The following DOP1B variants were observed in gnomAD, a reference collection of about 807,000 sequenced individuals.
The protein encoded by DOP1B is protein DOP1B.
DOP1B carries 174 observed loss-of-function variants against 233.5 expected under a neutral mutation model. The observed-to-expected ratio is 0.75, with a 90% CI of 0.66 to 0.85. The LOEUF is 0.85. DOP1B is among the 40% of genes least tolerant of loss of function. DOP1B has a pLI of 0.00. For synonymous variants in DOP1B, 1,190 were observed against 1,185.6 expected (o/e 1.00, Z -0.08); for missense variants, 2,652 against 2,846.6 (o/e 0.93, Z 1.56).
Position 36,227,853 on chromosome 21 carries a change from CA to C in DOP1B, c.1642del (p.Thr548ArgfsTer11). 1 of 1,604,116 alleles carries C rather than the reference CA, an allele frequency of 6.2e-7. No individual in the cohort carries two copies. Among genetic ancestry groups the C allele is most frequent in the Non-Finnish European group, 8.5e-7 (1 of 1,173,096 alleles). On this transcript the variant is annotated frameshift_variant, in exon 13 of 37. Coordinates refer to ENST00000691173, the MANE Select transcript of DOP1B (RefSeq NM_001320714.2). LOFTEE classifies it high-confidence loss of function. ...KVQMPPSYLD[T>X]ESTSGTSSPV... ...TCCAGATGCCTCCTTCCTACCTCGACACGGAGTCCACCAGCGGAACCTCGGT... is the reference window on the plus strand; with the variant it reads ...TCCAGATGCCTCCTTCCTACCTCGACCGGAGTCCACCAGCGGAACCTCGGT...
intron 23 of DOP1B, among the ~76,000 whole-genome samples, chr21:36,255,306 AT>A (rs982078293): frequency 5.1e-4 from 72 of 141,410 alleles, no homozygotes; most frequent in Middle Eastern, 3.7e-3. Context: ...TAATTTTTGT[AT>A]TTTTTTTTTT....
chr21:36,239,279 G>T (rs2835325), intron 17 of DOP1B, among the ~76,000 whole-genome samples: 11,954 of 152,186 alleles, frequency 0.079, 782 homozygotes, highest in African/African-American at 0.19. Context: ...AGCTTTTACG[G>T]CATGCCCCTA....
rs548066537 is a variant in DOP1B, at chr21:36,251,344, A to C, written c.5121+60A>C. 471 of 1,557,282 alleles carry C rather than the reference A, an allele frequency of 3.0e-4. 1 individual carries two copies. In the African/African-American group the frequency reaches 6.1e-3, roughly 20 times the overall value. ...TACTGTGACAAAGAAATACCACAGAATCATGTGGAATCAAAGGTGACATTG... is the reference window on the plus strand; with the variant it reads ...TACTGTGACAAAGAAATACCACAGACTCATGTGGAATCAAAGGTGACATTG... On this transcript the variant is annotated intron_variant, in intron 22 of 36. Transcript: ENST00000691173.
In DOP1B at chr21:36,246,430, G is replaced by A. The variant is rs747222206; in HGVS notation, c.4450G>A (p.Ala1484Thr). ...RALNFQQAIS[A>T]LQYVQPHPLT... The stretch of plus-strand genomic sequence containing the variant: ...CCTGAACTTCCAGCAGGCCATCAGC[G>A]CCCTGCAGTACGTGCAGCCCCACCC... Residue 1484 changes from alanine (A) to threonine (T), a missense_variant, in exon 19 of 37, where the codon GCC (alanine) becomes ACC (threonine). Ala to Thr is a moderately conservative substitution (Grantham distance 58). This residue lies in a region of DOP1B where 2,617 missense variants were observed against 2,794.3 expected (regional missense o/e 0.94). Coordinates refer to ENST00000691173, the MANE Select transcript of DOP1B (RefSeq NM_001320714.2). This position sits in a 1 kb window ranked among gnomAD's most constrained non-coding sequence, Gnocchi z 5.1. 1.8e-5 allele frequency: 29 copies of A among 1,613,334 alleles called. No homozygotes were observed. The highest frequency in any genetic ancestry group is 1.6e-4 in the Middle Eastern group (1 of 6,084).
chr21:36,230,349 G>A (rs2066745372), intron 13 of DOP1B, 101 bp from the exon 14 acceptor site: 1 of 1,372,270 alleles, frequency 7.3e-7, no homozygotes, highest in Admixed American at 2.4e-5. Context: ...GGAGAGTGAT[G>A]ATTTTGAAAA....
At chr21:36,262,715 C>G (rs1185115028) in intron 24 of DOP1B, among the ~76,000 whole-genome samples, 2 of 151,612 alleles carry the variant, frequency 1.3e-5, no homozygotes, top group Non-Finnish European at 2.9e-5. Context: ...ATGGTGAAAC[C>G]CTACTAATCT....
At chr21:36,199,983 C>G (rs1306399798) in intron 3 of DOP1B, among the ~76,000 whole-genome samples, 2 of 152,296 alleles carry the variant, frequency 1.3e-5, no homozygotes, top group South Asian at 2.1e-4. Flanking sequence ...AATGGTATTT[C>G]TAGTTCTAGA....
At chr21:36,200,539 T>G in intron 4 of DOP1B, 38 bp downstream of exon 4, 2 of 1,559,310 alleles carry the variant, frequency 1.3e-6, no homozygotes, top group South Asian at 1.2e-5. Flanking sequence ...TTTACTCCAC[T>G]GCTTTATAAG....
intron 13 of DOP1B, among the ~76,000 whole-genome samples, chr21:36,229,765 G>A (rs1464346571): frequency 6.6e-6 from 1 of 150,450 alleles, no homozygotes; most frequent in Admixed American, 6.6e-5. Context: ...GGGTTCAAGC[G>A]ATTCTCATGC....
chr21:36,233,971 A>G (rs549571554), intron 15 of DOP1B, among the ~76,000 whole-genome samples: 239 of 152,218 alleles, frequency 1.6e-3, no homozygotes, highest in African/African-American at 5.5e-3. Context: ...CTCCTGCCTC[A>G]GCCTCCCGAG....
rs759906380 is a variant in DOP1B, at chr21:36,245,296, A to G, written c.3316A>G (p.Ser1106Gly). The G allele has an allele frequency of 1.2e-6, 2 of 1,614,102 alleles. No individual in the cohort carries two copies. The highest frequency in any genetic ancestry group is 1.7e-6 in the Non-Finnish European group (2 of 1,180,034). ...CAGGACGGCCCACGGCGCCCCGGAC[A>G]GCAGCGAGCACACCGAGTCTGCAGA... ...PDRTAHGAPD[S>G]SEHTESADTS... The change falls in exon 19 of 37, where the codon AGC becomes GGC. Residue 1106 changes from serine (S) to glycine (G), a missense_variant. Around this residue, in one of 3 missense-constraint regions of DOP1B, gnomAD observed 2,617 missense variants for 2,794.3 expected, o/e 0.94. Coordinates refer to ENST00000691173, the MANE Select transcript of DOP1B (RefSeq NM_001320714.2). This position sits in a 1 kb window ranked among gnomAD's most constrained non-coding sequence, Gnocchi z 5.5.
chr21:36,291,367 T>C (rs2067556778), intron 35 of DOP1B, among the ~76,000 whole-genome samples: 1 of 151,548 alleles, frequency 6.6e-6, no homozygotes, highest in African/African-American at 2.4e-5. Context: ...AAGACCAGCC[T>C]GGCCAAGATG....
At chr21:36,234,748 C>A (rs1418201079) in intron 15 of DOP1B, among the ~76,000 whole-genome samples, 1 of 152,080 alleles carries the variant, frequency 6.6e-6, no homozygotes, top group Non-Finnish European at 1.5e-5. Flanking sequence ...ACCATATTGG[C>A]CACGCTGGTC....
chr21:36,204,303 ATTTCT>A (rs1343743118), intron 4 of DOP1B, among the ~76,000 whole-genome samples: 2 of 152,066 alleles, frequency 1.3e-5, no homozygotes, highest in African/African-American at 4.8e-5. Flanking sequence ...ATTTATTGAC[ATTTCT>A]TTTCTTTTGG....
chr21:36,170,127 TG>T (rs1601378046), intron 2 of DOP1B: 1 of 556,824 alleles, frequency 1.8e-6, no homozygotes, highest in East Asian at 3.8e-5. Flanking sequence ...TTCACTCCTA[TG>T]GCAGGAAGCA....
rs2066953205 is a variant in DOP1B at position 36,245,790 on chromosome 21, C to T, written c.3810C>T (p.Ser1270=). The change falls in exon 19 of 37, where the codon AGC becomes AGT. Residue 1270 remains serine, a synonymous_variant. Coordinates refer to ENST00000691173, the MANE Select transcript of DOP1B (RefSeq NM_001320714.2). The surrounding 1 kb of genome is among the most constrained non-coding windows in gnomAD (Gnocchi z 5.5). ...TGTCCAGGACTAGCATGGATACCAG[C>T]TCCACCGCGCACCTCAACCTCATCT... is the stretch of plus-strand genomic sequence containing the variant. The part of the protein sequence containing the change: ...EAVSRTSMDT[S]STAHLNLISN... 6.2e-7 allele frequency: 1 copy of T among 1,614,008 alleles called. No homozygotes were observed. Among genetic ancestry groups the T allele is most frequent in the Non-Finnish European group, 8.5e-7 (1 of 1,180,008 alleles).
intron 13 of DOP1B, among the ~76,000 whole-genome samples, chr21:36,228,575 G>A (rs1354254911): frequency 6.6e-6 from 1 of 151,922 alleles, no homozygotes; most frequent in East Asian, 1.9e-4. Context: ...GACCATCCTG[G>A]CTAACATGGT....
Position 36,214,192 on chromosome 21 carries a change from TAAAGGAGCATTTCCGG to T in DOP1B, c.1014+7_1014+22del, listed in dbSNP as rs1262305086. 6.2e-7 allele frequency: 1 copy of T among 1,605,470 alleles called. No homozygotes were observed. The highest frequency in any genetic ancestry group is 1.3e-5 in the African/African-American group (1 of 74,638). On this transcript the variant is annotated splice_donor_5th_base_variant and intron_variant, in intron 8 of 36. Coordinates refer to ENST00000691173, the MANE Select transcript of DOP1B (RefSeq NM_001320714.2). The stretch of plus-strand genomic sequence containing the variant: ...TACTCCAAGGATCTTTTAGTTGAGG[TAAAGGAGCATTTCCGG>T]AAAGTTCAGGGTATCCTTGGTGACG...
intron 1 of DOP1B, among the ~76,000 whole-genome samples, chr21:36,163,240 A>C (rs2065882983): frequency 6.6e-6 from 1 of 150,578 alleles, no homozygotes; most frequent in South Asian, 2.1e-4. Flanking sequence ...GCTATTTGGG[A>C]GGCTGAGGCA....
Sources: allele counts gnomAD v4.1 joint callset (sites outside exome capture counted in the v4.1 genomes callset), GRCh38; gene constraint gnomAD v4.1.1; regional missense constraint gnomAD v4.1.1; non-coding constraint Gnocchi (gnomAD v3.1); transcripts MANE v1.5; gene names NCBI Gene and HGNC (gene_info 2026-07-23, HGNC 2026-07-21).